ANKS1B: variants seen among roughly 807,000 people sequenced by gnomAD.
ANKS1B encodes the protein ankyrin repeat and sterile alpha motif domain containing 1B, also known as ankyrin repeat and sterile alpha motif domain-containing protein 1B.
A neutral mutation model predicts 148.3 loss-of-function variants in ANKS1B; 36 were observed. The observed-to-expected ratio is 0.24, with a 90% CI of 0.19 to 0.32. The LOEUF is 0.32. Ranked by LOEUF, ANKS1B falls within the 10% of genes least tolerant of loss-of-function variation. The pLI, the probability that ANKS1B is intolerant of heterozygous loss-of-function variation, is 1.00. For missense variants in ANKS1B, 1,157 were observed against 1,542.6 expected, an observed-to-expected ratio of 0.75 and a Z score of 4.19; for synonymous variants, 542 against 560.8, an observed-to-expected ratio of 0.97 and a Z score of 0.47.
chr12:99,693,710 G>A (rs958488370), intron 8 of ANKS1B, among the ~76,000 whole-genome samples: 1 of 151,506 alleles, frequency 6.6e-6, no homozygotes, highest in Admixed American at 6.6e-5. Context: ...GAAGATACCA[G>A]GCATCCAGAG....
At chr12:98,743,375 G>GAAAC (rs376678998), downstream of ANKS1B, among the ~76,000 whole-genome samples, 4 of 152,164 alleles carry the variant, frequency 2.6e-5, no homozygotes, top group African/African-American at 9.7e-5. Context: ...AATTTAATAA[G>GAAAC]AAACAATTAA....
At chr12:99,809,138 T>C (rs1320602335) in intron 3 of ANKS1B, among the ~76,000 whole-genome samples, 2 of 152,118 alleles carry the variant, frequency 1.3e-5, no homozygotes, top group Non-Finnish European at 2.9e-5. Flanking sequence ...AGTATGGCTA[T>C]GCAGAATATT....
chr12:99,714,531 C>G (rs2057048265), intron 8 of ANKS1B, among the ~76,000 whole-genome samples: 1 of 152,116 alleles, frequency 6.6e-6, no homozygotes, highest in Non-Finnish European at 1.5e-5. Flanking sequence ...CACAATATTT[C>G]AAGTTTTTTA....
intron 17 of ANKS1B, among the ~76,000 whole-genome samples, chr12:98,926,760 T>C (rs2099808804): frequency 6.6e-6 from 1 of 151,910 alleles, no homozygotes; most frequent in South Asian, 2.1e-4. Context: ...GATAAAAATA[T>C]AGTGGGGCTC....
At chr12:99,238,883 G>T (rs2153961660) in intron 14 of ANKS1B, among the ~76,000 whole-genome samples, 1 of 152,240 alleles carries the variant, frequency 6.6e-6, no homozygotes, top group African/African-American at 2.4e-5. Flanking sequence ...CAACGAAAAG[G>T]ACATCCACAC....
At position 98,873,178 on chromosome 12, in the gene ANKS1B, A is replaced by G. The variant is rs1440216835; in HGVS notation, c.2779-41042T>C. ...TATAAACCCACCTCTGGCACAGCAC[A>G]TATCACACCATGTTAGAATTGCTTC... On this transcript the variant is annotated intron_variant, in intron 17 of 26. Coordinates refer to ENST00000683438, the MANE Select transcript of ANKS1B (RefSeq NM_001352186.2). Among the ~76,000 whole-genome samples the G allele has an allele frequency of 2.0e-5, 3 of 152,182 alleles. No homozygotes were observed. In the East Asian group the frequency reaches 5.8e-4, roughly 29 times the overall value.
intron 11 of ANKS1B, among the ~76,000 whole-genome samples, chr12:99,400,170 G>A: frequency 6.8e-6 from 1 of 147,680 alleles, no homozygotes; most frequent in African/African-American, 2.5e-5. Flanking sequence ...TCTGGCATTT[G>A]CCAGACCCAG....
intron 19 of ANKS1B, among the ~76,000 whole-genome samples, chr12:98,808,759 T>C (rs1252862732): frequency 2.0e-5 from 3 of 152,158 alleles, no homozygotes; most frequent in Admixed American, 2.0e-4. Flanking sequence ...GCTTGACCCA[T>C]CCCAAGTTCT....
At chr12:99,477,691 A>G (rs999716990) in intron 10 of ANKS1B, among the ~76,000 whole-genome samples, 9 of 152,334 alleles carry the variant, frequency 5.9e-5, no homozygotes, top group African/African-American at 2.2e-4. Flanking sequence ...TTACTATCAT[A>G]GATATTAAAA....
intron 10 of ANKS1B, among the ~76,000 whole-genome samples, chr12:99,480,506 T>C (rs1178982936): frequency 2.0e-5 from 3 of 151,918 alleles, no homozygotes; most frequent in African/African-American, 7.2e-5. Context: ...TTCTTTGATG[T>C]AAATTTTAAA....
At chr12:99,626,500 C>T (rs1190192506) in intron 9 of ANKS1B, among the ~76,000 whole-genome samples, 1 of 152,078 alleles carries the variant, frequency 6.6e-6, no homozygotes, top group African/African-American at 2.4e-5. Flanking sequence ...TTTTTTCTTT[C>T]CCCATCTATC....
At chr12:99,710,690 T>A (rs949088034) in intron 8 of ANKS1B, among the ~76,000 whole-genome samples, 3 of 152,124 alleles carry the variant, frequency 2.0e-5, no homozygotes, top group African/African-American at 7.2e-5. Flanking sequence ...TTAGTCAATA[T>A]CTATGAACAG....
At chr12:99,065,531 G>T (rs7485825) in intron 16 of ANKS1B, among the ~76,000 whole-genome samples, 101,206 of 151,776 alleles carry the variant, frequency 0.67, 34,011 homozygotes, top group East Asian at 0.89. Flanking sequence ...TGGTCAAACA[G>T]GAGTATACTC....
rs1389268537 is a variant in ANKS1B at position 99,302,557 on chromosome 12, G to T, written c.1757-55693C>A. 2.0e-5 allele frequency among the ~76,000 whole-genome samples: 3 copies of T among 152,070 alleles called. No homozygotes were observed. In the East Asian group the frequency reaches 5.8e-4, roughly 29 times the overall value. ...AGATTTTTAGACAAGAAACGAATGG[G>T]GGATTCAGATGACATTGTGCTTCAG... is the stretch of plus-strand genomic sequence containing the variant. On this transcript the variant is annotated intron_variant, in intron 12 of 26. Transcript: ENST00000683438.
chr12:99,530,056 T>C (rs2096971868), intron 9 of ANKS1B, among the ~76,000 whole-genome samples: 1 of 152,194 alleles, frequency 6.6e-6, no homozygotes, highest in South Asian at 2.1e-4. Flanking sequence ...GTCTCTGTTG[T>C]AACTACTCAG....
chr12:99,012,340 T>G (rs12302847), intron 17 of ANKS1B, among the ~76,000 whole-genome samples: 7,392 of 152,302 alleles, frequency 0.049, 372 homozygotes, highest in African/African-American at 0.12. Flanking sequence ...CTTCCTCCTC[T>G]GTGCTTTTCC....
intron 14 of ANKS1B, among the ~76,000 whole-genome samples, chr12:99,202,360 A>G (rs1566620944): frequency 6.6e-6 from 1 of 152,200 alleles, no homozygotes; most frequent in Non-Finnish European, 1.5e-5. Context: ...TACCATCCAT[A>G]AACCCTCTGT....
At chr12:98,946,127 T>C (rs2099845146) in intron 17 of ANKS1B, among the ~76,000 whole-genome samples, 1 of 152,200 alleles carries the variant, frequency 6.6e-6, no homozygotes, top group South Asian at 2.1e-4. Flanking sequence ...TCAGTTTGGG[T>C]TGATTCGATG....
chr12:99,328,325 A>C (rs1177000729), intron 12 of ANKS1B, among the ~76,000 whole-genome samples: 1 of 151,946 alleles, frequency 6.6e-6, no homozygotes, highest in Non-Finnish European at 1.5e-5. Context: ...TAACGGGGTG[A>C]GCAAAACGTC....
Sources: allele counts gnomAD v4.1 joint callset (sites outside exome capture counted in the v4.1 genomes callset), GRCh38; gene constraint gnomAD v4.1.1; transcripts MANE v1.5; gene names NCBI Gene and HGNC (gene_info 2026-07-23, HGNC 2026-07-21).